The following RCSD1 variants were observed in gnomAD, a reference collection of about 807,000 sequenced individuals.
The protein encoded by RCSD1 is RCSD domain containing 1, also known as capZ-interacting protein.
Under a neutral mutation model 42.5 loss-of-function variants are expected in RCSD1, and 26 were observed. That is an observed-to-expected ratio of 0.61 (90% CI 0.45 to 0.85). The LOEUF (loss-of-function observed/expected upper bound fraction) is 0.85, where lower values mean the gene tolerates loss of function less well. Ranked by LOEUF, RCSD1 falls within the 40% of genes least tolerant of loss-of-function variation. RCSD1 has a pLI of 0.00. For synonymous variants in RCSD1, 220 were observed against 212.2 expected, an observed-to-expected ratio of 1.04 and a Z score of -0.32; for missense variants, 571 against 528.3, an observed-to-expected ratio of 1.08 and a Z score of -0.79.
intron 1 of RCSD1, among the ~76,000 whole-genome samples, chr1:167,678,383 C>G: frequency 6.6e-6 from 1 of 151,926 alleles, no homozygotes; most frequent in East Asian, 1.9e-4. Context: ...CCCAACTAGC[C>G]CCACCCACCC....
At chr1:167,654,391 G>T (rs1337565958) in intron 1 of RCSD1, among the ~76,000 whole-genome samples, 1 of 152,162 alleles carries the variant, frequency 6.6e-6, no homozygotes, top group African/African-American at 2.4e-5. Context: ...GTAGGAATTT[G>T]ATCTAAGGGC....
At chr1:167,699,126 C>CT (rs113133784) in intron 6 of RCSD1, among the ~76,000 whole-genome samples, 8,780 of 152,028 alleles carry the variant, frequency 0.058, 837 homozygotes, top group African/African-American at 0.2. Context: ...CCTGCTTCCA[C>CT]TTTTTTTTCC....
chr1:167,641,105 C>A (rs1657993449), intron 1 of RCSD1, among the ~76,000 whole-genome samples: 1 of 152,174 alleles, frequency 6.6e-6, no homozygotes, highest in Admixed American at 6.5e-5. Flanking sequence ...ATCCATACCC[C>A]TAGTGCCTGG....
intron 1 of RCSD1, among the ~76,000 whole-genome samples, chr1:167,649,099 C>G (rs1658239808): frequency 6.6e-6 from 1 of 151,974 alleles, no homozygotes; most frequent in Non-Finnish European, 1.5e-5. Flanking sequence ...GGTATCTTGC[C>G]CAGAGTGGGG....
intron 1 of RCSD1, among the ~76,000 whole-genome samples, chr1:167,633,227 C>G (rs1366906448): frequency 1.3e-5 from 2 of 152,184 alleles, no homozygotes; most frequent in Non-Finnish European, 1.5e-5. Context: ...TGATCCCTGC[C>G]TTTTAAAAGC....
intron 1 of RCSD1, among the ~76,000 whole-genome samples, chr1:167,668,219 A>T (rs1571690270): frequency 6.6e-6 from 1 of 151,728 alleles, no homozygotes; most frequent in Admixed American, 6.6e-5. Context: ...TGGCAGGCGG[A>T]GGTTGCAGTA....
At chr1:167,702,786 AATAAATAC>A (rs201255109) in intron 6 of RCSD1, among the ~76,000 whole-genome samples, 3,834 of 152,218 alleles carry the variant, frequency 0.025, 101 homozygotes, top group African/African-American at 0.058. Flanking sequence ...AAATAAATAA[AATAAATAC>A]ATAAATACAT....
intron 1 of RCSD1, among the ~76,000 whole-genome samples, chr1:167,674,176 G>C (rs4656548): frequency 0.61 from 92,553 of 152,042 alleles, 28,379 homozygotes; most frequent in East Asian, 0.78. Flanking sequence ...CATGGACTGA[G>C]TGCCCCCTCA....
In RCSD1 at chr1:167,701,736, T is replaced by G. The variant is rs1442259652; in HGVS notation, c.1219-2928T>G. ...GAATAAACTGCTTACAAAGTACCTG[T>G]GCACGTGTGCATAATTTGTTTAATC... is the stretch of plus-strand genomic sequence containing the variant. On this transcript the variant is annotated intron_variant, in intron 6 of 6. Coordinates refer to ENST00000367854, the MANE Select transcript of RCSD1 (RefSeq NM_052862.4). 2.0e-5 allele frequency among the ~76,000 whole-genome samples: 3 copies of G among 152,262 alleles called. No homozygotes were observed. The East Asian group carries it at 5.8e-4, about 29-fold the overall frequency.
intron 1 of RCSD1, among the ~76,000 whole-genome samples, chr1:167,680,730 C>T (rs1367134036): frequency 1.3e-5 from 2 of 152,202 alleles, no homozygotes; most frequent in African/African-American, 2.4e-5. Context: ...GCCTTGGACT[C>T]CCAAAATGCT....
At chr1:167,700,224 T>TG (rs1039852867) in intron 6 of RCSD1, among the ~76,000 whole-genome samples, 2 of 152,216 alleles carry the variant, frequency 1.3e-5, no homozygotes, top group African/African-American at 4.8e-5. Flanking sequence ...GGGGATCTCC[T>TG]GGGGCCCTCA....
In RCSD1 at chr1:167,708,410, G is replaced by A. The variant is rs181816380; in HGVS notation, c.*3714G>A. Among the ~76,000 whole-genome samples, 239 of 152,262 alleles carry A rather than the reference G, an allele frequency of 1.6e-3. 1 individual carries two copies. The highest frequency in any genetic ancestry group is 5.2e-3 in the African/African-American group (216 of 41,554). ...ACTAGTTCTAGTCAAGTTTTTGCTC[G>A]ATGGACCACGTGAAAAAAGGATAAA... On this transcript the variant is annotated 3_prime_UTR_variant, in exon 7 of 7. Coordinates refer to ENST00000367854, the MANE Select transcript of RCSD1 (RefSeq NM_052862.4).
Position 167,685,497 on chromosome 1 carries a change from A to G in RCSD1, c.185A>G (p.Gln62Arg). The G allele has an allele frequency of 6.2e-7, 1 of 1,613,766 alleles. No individual in the cohort carries two copies. Among genetic ancestry groups the G allele is most frequent in the Non-Finnish European group, 8.5e-7 (1 of 1,179,736 alleles). ...PLFPPKVDLG[Q>R]NGEEKSPPNA... ...TTCCCCCCCAAGGTAGACCTGGGCCAGAATGGTGAGGAGGTAAGTGCTGCT... is the reference window on the plus strand; with the variant it reads ...TTCCCCCCCAAGGTAGACCTGGGCCGGAATGGTGAGGAGGTAAGTGCTGCT... Residue 62 changes from glutamine (Q) to arginine (R), a missense_variant, in exon 3 of 7, where the codon CAG (glutamine) becomes CGG (arginine). Physicochemically the swap from Gln to Arg is conservative, Grantham distance 43. Coordinates refer to ENST00000367854, the MANE Select transcript of RCSD1 (RefSeq NM_052862.4).
intron 1 of RCSD1, among the ~76,000 whole-genome samples, chr1:167,680,577 C>T (rs148026015): frequency 8.0e-4 from 122 of 152,194 alleles, no homozygotes; most frequent in African/African-American, 2.6e-3. Context: ...ACCAACTGGG[C>T]CCGAGTGATC....
At chr1:167,671,919 G>A (rs1027835854) in intron 1 of RCSD1, among the ~76,000 whole-genome samples, 15 of 152,198 alleles carry the variant, frequency 9.9e-5, no homozygotes, top group Non-Finnish European at 1.9e-4. Context: ...GCTCCCTCGT[G>A]AGAATGACCA....
intron 3 of RCSD1, 61 bp downstream of exon 3, chr1:167,685,571 G>A: frequency 6.9e-7 from 1 of 1,450,256 alleles, no homozygotes; most frequent in African/African-American, 1.4e-5. Flanking sequence ...TCTTCTTGAG[G>A]AAAGTTTGGA....
intron 3 of RCSD1, among the ~76,000 whole-genome samples, chr1:167,687,501 T>C (rs1409885028): frequency 4.1e-5 from 6 of 145,158 alleles, no homozygotes; most frequent in East Asian, 4.0e-4. Flanking sequence ...CCAGCCTGGG[T>C]GACACAGCAA....
At chr1:167,639,572 A>T (rs1412133434) in intron 1 of RCSD1, among the ~76,000 whole-genome samples, 1 of 151,936 alleles carries the variant, frequency 6.6e-6, no homozygotes, top group East Asian at 1.9e-4. Flanking sequence ...GGCTCACTGC[A>T]ACCTCCACCT....
intron 1 of RCSD1, chr1:167,663,381 G>A (rs1229372): frequency 0.33 from 50,016 of 152,178 alleles, 8,685 homozygotes; most frequent in Middle Eastern, 0.37. Context: ...GCCCTTTATG[G>A]CCCCTTCATA....
Sources: gnomAD v4.1 joint callset for allele counts (sites outside exome capture counted in the v4.1 genomes callset) on GRCh38, gnomAD v4.1.1 for gene constraint, MANE v1.5 for transcripts, NCBI Gene and HGNC (gene_info 2026-07-23, HGNC 2026-07-21) for gene names.